The following DSCAM variants were observed in gnomAD, a reference collection of about 807,000 sequenced individuals.
The protein encoded by DSCAM is DS cell adhesion molecule, also known as cell adhesion molecule DSCAM.
Under a neutral mutation model 217.7 loss-of-function variants are expected in DSCAM, and 47 were observed. The observed-to-expected ratio is 0.22, with a 90% CI of 0.17 to 0.28. The LOEUF (loss-of-function observed/expected upper bound fraction) is 0.28, where lower values mean the gene tolerates loss of function less well. Among genes scored for constraint, DSCAM ranks in the 10% least tolerant of loss-of-function variants. DSCAM has a pLI of 1.00. For missense variants in DSCAM, 2,080 were observed against 2,618.3 expected (o/e 0.79, Z 4.49); for synonymous variants, 1,056 against 1,015.3 (o/e 1.04, Z -0.76).
In DSCAM at chr21:40,121,681, C is replaced by CTTTTTTTTTTTTTTTTTTTTTTTTTTT. The variant is rs201672838; in HGVS notation, c.3696+2513_3696+2514insAAAAAAAAAAAAAAAAAAAAAAAAAAA. 8.1e-5 allele frequency among the ~76,000 whole-genome samples: 6 copies of CTTTTTTTTTTTTTTTTTTTTTTTTTTT among 73,734 alleles called. 2 individuals carry two copies. The highest frequency in any genetic ancestry group is 1.7e-4 in the African/African-American group (3 of 17,380). 48.4% of individuals were successfully genotyped at this position (73,734 alleles called of 152,430 possible). ...CTGGTGGGTTTGCTCTCATTACTGT[C>CTTTTTTTTTTTTTTTTTTTTTTTTTTT]TTTTTTTTTTTTTTTTTTTTTTTTT... On this transcript the variant is annotated intron_variant, in intron 20 of 32. Coordinates refer to ENST00000400454, the MANE Select transcript of DSCAM (RefSeq NM_001389.5).
intron 3 of DSCAM, among the ~76,000 whole-genome samples, chr21:40,395,003 A>G (rs1181663375): frequency 6.6e-6 from 1 of 152,242 alleles, no homozygotes; most frequent in African/African-American, 2.4e-5. Context: ...TAATTTTTAC[A>G]TGGTTAATTT....
intron 1 of DSCAM, among the ~76,000 whole-genome samples, chr21:40,715,658 T>A (rs1338089964): frequency 6.6e-6 from 1 of 152,158 alleles, no homozygotes; most frequent in Admixed American, 6.5e-5. Context: ...ACACGGCAGT[T>A]TTCAACTCAA....
intron 3 of DSCAM, among the ~76,000 whole-genome samples, chr21:40,598,404 A>G (rs924395421): frequency 1.2e-4 from 18 of 152,064 alleles, no homozygotes; most frequent in African/African-American, 3.6e-4. Context: ...TTACGGGGAA[A>G]TAAGTTTTCA....
intron 10 of DSCAM, among the ~76,000 whole-genome samples, chr21:40,282,565 T>TG (rs897583793): frequency 1.7e-5 from 2 of 116,114 alleles, no homozygotes; most frequent in Non-Finnish European, 3.3e-5. Context: ...CAGTCCAGCC[T>TG]GGGCGAAAGA....
chr21:40,100,600 A>G (rs2089737634), intron 20 of DSCAM, among the ~76,000 whole-genome samples: 2 of 150,846 alleles, frequency 1.3e-5, no homozygotes, highest in Non-Finnish European at 1.5e-5. Context: ...TTCGCCTGAT[A>G]TATCAGCTGG....
At chr21:40,359,664 T>C (rs960638766) in intron 4 of DSCAM, among the ~76,000 whole-genome samples, 2 of 152,170 alleles carry the variant, frequency 1.3e-5, no homozygotes, top group South Asian at 4.1e-4. Flanking sequence ...GACTAATACA[T>C]GTAACAACAT....
chr21:40,080,434 C>T (rs1002640206), intron 24 of DSCAM, 94 bp from the exon 25 acceptor site: 12 of 1,115,584 alleles, frequency 1.1e-5, no homozygotes, highest in Non-Finnish European at 1.5e-5. Flanking sequence ...ATAGAACGAG[C>T]ATTCTCAGAA....
rs375578846 is a variant in DSCAM at position 40,682,070 on chromosome 21, AT to A, written c.508+10739del. ...TGTTTGAAACCAGTCAGTTCATGGT[AT>A]TTTTTTTTTGTAGTCCTAGGAAACT... On this transcript the variant is annotated intron_variant, in intron 3 of 32. Coordinates refer to ENST00000400454, the MANE Select transcript of DSCAM (RefSeq NM_001389.5). Among the ~76,000 whole-genome samples the A allele has an allele frequency of 2.2e-3, 326 of 149,398 alleles. 1 individual carries two copies. The highest frequency in any genetic ancestry group is 3.5e-3 in the Middle Eastern group (1 of 284).
At chr21:40,032,848 G>A (rs1257106501) in intron 32 of DSCAM, among the ~76,000 whole-genome samples, 1 of 152,172 alleles carries the variant, frequency 6.6e-6, no homozygotes, top group Non-Finnish European at 1.5e-5. Flanking sequence ...AGAAATTGAT[G>A]AAAGTTCCTT....
chr21:40,148,751 C>A (rs1489309701), intron 16 of DSCAM, among the ~76,000 whole-genome samples: 1 of 152,042 alleles, frequency 6.6e-6, no homozygotes, highest in Admixed American at 6.6e-5. Flanking sequence ...ATCATCACCA[C>A]CAGCTTCATC....
chr21:40,390,798 C>T (rs1270176985), intron 3 of DSCAM, among the ~76,000 whole-genome samples: 1 of 152,178 alleles, frequency 6.6e-6, no homozygotes, highest in Non-Finnish European at 1.5e-5. Context: ...CCATCCTACT[C>T]CAATACAACT....
intron 3 of DSCAM, among the ~76,000 whole-genome samples, chr21:40,417,674 G>A (rs541656695): frequency 9.9e-5 from 15 of 152,020 alleles, no homozygotes; most frequent in East Asian, 9.7e-4. Flanking sequence ...TTCCGGTCTG[G>A]TTCTAGATAT....
intron 1 of DSCAM, among the ~76,000 whole-genome samples, chr21:40,791,735 C>G (rs1326855163): frequency 2.0e-5 from 3 of 152,134 alleles, no homozygotes; most frequent in Non-Finnish European, 4.4e-5. Context: ...CTTTCTTGCC[C>G]TATTCCTAAG....
chr21:40,620,012 AAGAAAAAGAAAGAAAG>A lies in DSCAM; in HGVS notation c.508+72782_508+72797del, dbSNP rs139680921. On this transcript the variant is annotated intron_variant, in intron 3 of 32. Transcript: ENST00000400454. ...AAGAGAGAGAGAAAGAGAGAGAAAA[AAGAAAAAGAAAGAAAG>A]AGAGAGAGAAAGAGAGAGAAAAAAG... Among the ~76,000 whole-genome samples, 484 of 110,480 alleles carry A rather than the reference AAGAAAAAGAAAGAAAG, an allele frequency of 4.4e-3. 7 individuals carry two copies. The highest frequency in any genetic ancestry group is 0.028 in the East Asian group (78 of 2,810). 72.5% of individuals were successfully genotyped at this position (110,480 alleles called of 152,430 possible).
chr21:40,479,037 T>C (rs1460054688), intron 3 of DSCAM, among the ~76,000 whole-genome samples: 1 of 152,186 alleles, frequency 6.6e-6, no homozygotes, highest in Admixed American at 6.5e-5. Flanking sequence ...CTGCAGAAAG[T>C]GGAGCTGCAG....
At chr21:40,665,088 G>T (rs2090185593) in intron 3 of DSCAM, among the ~76,000 whole-genome samples, 1 of 152,178 alleles carries the variant, frequency 6.6e-6, no homozygotes, top group African/African-American at 2.4e-5. Flanking sequence ...ACATGTTGGT[G>T]CCAGGCTTTT....
intron 3 of DSCAM, among the ~76,000 whole-genome samples, chr21:40,455,733 C>A (rs1398509301): frequency 6.6e-6 from 1 of 150,832 alleles, no homozygotes; most frequent in Non-Finnish European, 1.5e-5. Flanking sequence ...CACCCCACTG[C>A]ATTCCAGCTT....
intron 11 of DSCAM, among the ~76,000 whole-genome samples, chr21:40,258,094 A>G (rs2073398679): frequency 6.6e-6 from 1 of 152,230 alleles, no homozygotes; most frequent in African/African-American, 2.4e-5. Context: ...TAAATGAGCC[A>G]CAGAAAACAT....
At chr21:40,303,558 T>C (rs1481549180) in intron 9 of DSCAM, among the ~76,000 whole-genome samples, 2 of 152,210 alleles carry the variant, frequency 1.3e-5, no homozygotes, top group East Asian at 1.9e-4. Context: ...CATTATCTCT[T>C]CCCTTCACTA....
Sources: gnomAD v4.1 joint callset for allele counts (sites outside exome capture counted in the v4.1 genomes callset) on GRCh38, gnomAD v4.1.1 for gene constraint, MANE v1.5 for transcripts, NCBI Gene and HGNC (gene_info 2026-07-23, HGNC 2026-07-21) for gene names.